SLC39A3: variants seen among roughly 807,000 people sequenced by gnomAD.
SLC39A3 encodes solute carrier family 39 member 3.
SLC39A3 carries 3 observed loss-of-function variants against 5.1 expected under a neutral mutation model. The observed-to-expected ratio is 0.59, with a 90% CI of 0.27 to 1.54. SLC39A3 has a LOEUF of 1.54. Ranked by LOEUF, SLC39A3 falls within the 40% of genes most tolerant of loss-of-function variation. The pLI is 0.12. For synonymous variants in SLC39A3, 250 were observed against 218.8 expected, an observed-to-expected ratio of 1.14 and a Z score of -1.26; for missense variants, 412 against 436.4, an observed-to-expected ratio of 0.94 and a Z score of 0.50.
At chr19:2,739,659 A>G (rs561675951) in intron 1 of SLC39A3, among the ~76,000 whole-genome samples, 16 of 152,250 alleles carry the variant, frequency 1.1e-4, no homozygotes, top group Non-Finnish European at 1.5e-4. Context: ...ACCCAGGCAC[A>G]CAGTAGGCGC....
At position 2,733,323 on chromosome 19, in the gene SLC39A3, AT is replaced by A; in HGVS notation, c.372del (p.Ser125ArgfsTer33). 1 of 1,613,016 alleles carries A rather than the reference AT, an allele frequency of 6.2e-7. No individual in the cohort carries two copies. The highest frequency in any genetic ancestry group is 8.5e-7 in the Non-Finnish European group (1 of 1,180,002). ...TACTCCGAGTCGCTGCCCACGTCCGATCCGGCGTTGAAGGTCTCCAGGTCGA... is the reference window on the plus strand; with the variant it reads ...TACTCCGAGTCGCTGCCCACGTCCGACCGGCGTTGAAGGTCTCCAGGTCGA... ...SFIDLETFNA[G>X]SDVGSDSEYE... On this transcript the variant is annotated frameshift_variant, in exon 3 of 3. Transcript: ENST00000269740. LOFTEE classifies it low-confidence loss of function (END_TRUNC). This position sits in a 1 kb window ranked among gnomAD's most constrained non-coding sequence, Gnocchi z 6.1.
At chr19:2,737,955 T>C (rs1274108327) in intron 1 of SLC39A3, among the ~76,000 whole-genome samples, 4 of 151,408 alleles carry the variant, frequency 2.6e-5, no homozygotes, top group Non-Finnish European at 4.4e-5. Context: ...TCCCAGAACT[T>C]TGGGAGGCCG....
chr19:2,735,769 C>T lies in SLC39A3; in HGVS notation c.210+1279G>A, dbSNP rs778325557. ...ACCCACACTCGAGGGGAGGGAAGAG[C>T]ATGGGGCGTGCGGAGCAGGGGCTGG... is the stretch of plus-strand genomic sequence containing the variant. On this transcript the variant is annotated intron_variant, in intron 2 of 2. Coordinates refer to ENST00000269740, the MANE Select transcript of SLC39A3 (RefSeq NM_144564.5). The surrounding 1 kb of genome is among the most constrained non-coding windows in gnomAD (Gnocchi z 5.7). The T allele has an allele frequency of 7.8e-6, 7 of 893,786 alleles. No homozygotes were observed. Among genetic ancestry groups the T allele is most frequent in the Non-Finnish European group, 9.4e-6 (7 of 746,884 alleles). 55.4% of individuals were successfully genotyped at this position (893,786 alleles called of 1,614,324 possible).
intron 2 of SLC39A3, 181 bp downstream of exon 2, chr19:2,736,867 C>T (rs972056668): frequency 3.6e-5 from 53 of 1,489,018 alleles, no homozygotes; most frequent in Non-Finnish European, 4.3e-5. Context: ...CTTGTTTGGC[C>T]GGTAGAGCAC....
chr19:2,733,456 G>A lies in SLC39A3; in HGVS notation c.240C>T (p.Ile80=). 1.2e-6 allele frequency: 2 copies of A among 1,612,686 alleles called. No homozygotes were observed. Among genetic ancestry groups the A allele is most frequent in the Non-Finnish European group, 1.7e-6 (2 of 1,179,896 alleles). ...TTTCGGCCAGCGGGTAGTCGGTGCT[G>A]ATGTGGCCGAGGCTCAGGACCTTCT... ...KLQKVLSLGH[I]STDYPLAETI... The change falls in exon 3 of 3, where the codon ATC becomes ATT. Residue 80 remains isoleucine (I), a synonymous_variant. Transcript: ENST00000269740. The surrounding 1 kb of genome is among the most constrained non-coding windows in gnomAD (Gnocchi z 6.1).
chr19:2,738,876 G>A (rs565321521), intron 1 of SLC39A3, among the ~76,000 whole-genome samples: 1 of 151,860 alleles, frequency 6.6e-6, no homozygotes, highest in Non-Finnish European at 1.5e-5. Flanking sequence ...GGTGGAGGTT[G>A]CAGTGAGCCA....
At chr19:2,738,866 G>A (rs946912820) in intron 1 of SLC39A3, among the ~76,000 whole-genome samples, 7 of 151,936 alleles carry the variant, frequency 4.6e-5, no homozygotes, top group Non-Finnish European at 7.4e-5. Flanking sequence ...GAACCCAGGA[G>A]GTGGAGGTTG....
At chr19:2,736,195 C>G (rs1163699883) in intron 2 of SLC39A3, 2 of 985,484 alleles carry the variant, frequency 2.0e-6, no homozygotes, top group African/African-American at 3.5e-5. Flanking sequence ...TGGACAGACT[C>G]CAAGATGGCC....
At position 2,732,710 on chromosome 19, in the gene SLC39A3, C is replaced by A; in HGVS notation, c.*41G>T. On this transcript the variant is annotated 3_prime_UTR_variant, in exon 3 of 3. Coordinates refer to ENST00000269740, the MANE Select transcript of SLC39A3 (RefSeq NM_144564.5). The stretch of plus-strand genomic sequence containing the variant: ...GACGCGGCCTGTGTCCGGCCCGGGG[C>A]TCCCGGCGGGCTCCGGCGGCAGGGA... The A allele has an allele frequency of 6.6e-7, 1 of 1,504,632 alleles. No individual in the cohort carries two copies. Among genetic ancestry groups the A allele is most frequent in the Non-Finnish European group, 8.9e-7 (1 of 1,128,446 alleles). 93.2% of individuals were successfully genotyped at this position (1,504,632 alleles called of 1,614,324 possible).
chr19:2,739,729 C>T lies in SLC39A3; in HGVS notation c.-123+216G>A, dbSNP rs116078545. On this transcript the variant is annotated intron_variant, in intron 1 of 2. Transcript: ENST00000269740. The stretch of plus-strand genomic sequence containing the variant: ...GTCTGTACAGTGAAGGTGAGGGTGG[C>T]CTGCACGCTCTCAAACCGGAGGCTG... 1.3e-3 allele frequency among the ~76,000 whole-genome samples: 203 copies of T among 152,308 alleles called. 1 individual carries two copies. Among genetic ancestry groups the T allele is most frequent in the African/African-American group, 4.7e-3 (195 of 41,566 alleles).
At chr19:2,737,896 A>G (rs1055140109) in intron 1 of SLC39A3, 1 of 152,088 alleles carries the variant, frequency 6.6e-6, no homozygotes, top group African/African-American at 2.4e-5. Flanking sequence ...AAAAAAGTTC[A>G]TCAAAATTAA....
Position 2,733,414 on chromosome 19 carries a change from GC to G in SLC39A3, c.281del (p.Gly94AlafsTer4). ...YPLAETILLL[G>X]FFMTVFLEQL... ...GCTCCAGGAAGACGGTCATGAAGAA[GC>G]CCAGCAGGAGGATGGTTTCGGCCAG... On this transcript the variant is annotated frameshift_variant, in exon 3 of 3. Coordinates refer to ENST00000269740, the MANE Select transcript of SLC39A3 (RefSeq NM_144564.5). LOFTEE classifies it low-confidence loss of function (END_TRUNC). This position sits in a 1 kb window ranked among gnomAD's most constrained non-coding sequence, Gnocchi z 6.1. 1 of 1,613,062 alleles carries G rather than the reference GC, an allele frequency of 6.2e-7. No individual in the cohort carries two copies. Among genetic ancestry groups the G allele is most frequent in the Non-Finnish European group, 8.5e-7 (1 of 1,180,006 alleles).
Position 2,732,973 on chromosome 19 carries a change from G to T in SLC39A3, c.723C>A (p.Pro241=). 6.2e-7 allele frequency: 1 copy of T among 1,602,624 alleles called. No homozygotes were observed. Among genetic ancestry groups the T allele is most frequent in the South Asian group, 1.1e-5 (1 of 90,378 alleles). ...KLAVTVSAMI[P]LGIGLGLGIE... ...TGCCCAGGCCCAGGCCGATGCCCAG[G>T]GGGATCATGGCGCTTACGGTGACCG... The change falls in exon 3 of 3, where the codon CCC becomes CCA. Residue 241 remains proline (P), a synonymous_variant. Transcript: ENST00000269740.
At chr19:2,736,874 G>T in intron 2 of SLC39A3, 174 bp downstream of exon 2, 1 of 1,500,868 alleles carries the variant, frequency 6.7e-7, no homozygotes, top group Non-Finnish European at 8.9e-7. Flanking sequence ...GGCCGGTAGA[G>T]CACAGAGACA....
Position 2,733,760 on chromosome 19 carries a change from G to A in SLC39A3, c.211-275C>T, listed in dbSNP as rs1382747654. On this transcript the variant is annotated intron_variant, in intron 2 of 2. Transcript: ENST00000269740. This position sits in a 1 kb window ranked among gnomAD's most constrained non-coding sequence, Gnocchi z 6.1. ...AGTTCGAGACCAGCCTGGCCAATAT[G>A]GGGAAACATGTTTCTACTAAAAATA... Among the ~76,000 whole-genome samples the A allele has an allele frequency of 6.6e-6, 1 of 152,128 alleles. No individual in the cohort carries two copies. The highest frequency in any genetic ancestry group is 2.4e-5 in the African/African-American group (1 of 41,416).
Position 2,734,885 on chromosome 19 carries a change from C to T in SLC39A3, c.211-1400G>A, listed in dbSNP as rs1914311372. On this transcript the variant is annotated intron_variant, in intron 2 of 2. Transcript: ENST00000269740. This position sits in a 1 kb window ranked among gnomAD's most constrained non-coding sequence, Gnocchi z 4.6. ...ACTCTAGCTACTCCCAAGAGACAGA[C>T]GTTGATCAGGAGAGATGAGGCAGAT... is the stretch of plus-strand genomic sequence containing the variant. 5.1e-6 allele frequency: 5 copies of T among 985,496 alleles called. No individual in the cohort carries two copies. Among genetic ancestry groups the T allele is most frequent in the African/African-American group, 1.7e-5 (1 of 57,366 alleles). 61.0% of individuals were successfully genotyped at this position (985,496 alleles called of 1,614,324 possible). A position where few individuals can be genotyped will look rare whatever the true frequency, so the allele number is the denominator to read the frequency against.
intron 1 of SLC39A3, among the ~76,000 whole-genome samples, chr19:2,738,256 C>T (rs1157498258): frequency 6.6e-6 from 1 of 151,838 alleles, no homozygotes; most frequent in African/African-American, 2.4e-5. Context: ...CTCAGTCTCC[C>T]TGGCCATATT....
chr19:2,739,213 A>C (rs1462083165), intron 1 of SLC39A3, among the ~76,000 whole-genome samples: 1 of 152,040 alleles, frequency 6.6e-6, no homozygotes. Context: ...GATACTCAAA[A>C]ACCGCTGGCT....
chr19:2,739,842 G>A (rs374995498), intron 1 of SLC39A3, 103 bp downstream of exon 1: 1 of 152,272 alleles, frequency 6.6e-6, no homozygotes, highest in Non-Finnish European at 1.5e-5. Context: ...ACCGGGCACC[G>A]GAGACGGGCC....
Sources: allele counts gnomAD v4.1 joint callset (sites outside exome capture counted in the v4.1 genomes callset), GRCh38; gene constraint gnomAD v4.1.1; non-coding constraint Gnocchi (gnomAD v3.1); transcripts MANE v1.5; gene names NCBI Gene and HGNC (gene_info 2026-07-23, HGNC 2026-07-21).